The following MGRN1 variants were observed in gnomAD, a reference collection of about 807,000 sequenced individuals.
The protein encoded by MGRN1 is E3 ubiquitin-protein ligase MGRN1.
In MGRN1, 29 loss-of-function variants were observed where a neutral mutation model predicts 69.2. That is an observed-to-expected ratio of 0.42 (90% CI 0.31 to 0.57). The LOEUF is 0.57. Among genes scored for constraint, MGRN1 ranks in the 20% least tolerant of loss-of-function variants. The probability of loss-of-function intolerance (pLI) is 0.15; values close to 1 mark genes in which losing one functional copy is unlikely to be tolerated. For synonymous variants in MGRN1, 470 were observed against 344.2 expected, an observed-to-expected ratio of 1.37 and a Z score of -4.04; for missense variants, 998 against 796.2, an observed-to-expected ratio of 1.25 and a Z score of -3.05.
chr16:4,663,176 A>T (rs1047876643), intron 5 of MGRN1, among the ~76,000 whole-genome samples: 9 of 151,898 alleles, frequency 5.9e-5, no homozygotes, highest in Non-Finnish European at 1.3e-4. Flanking sequence ...TGATTCTCCT[A>T]CCTCAGCCTC....
At chr16:4,671,601 T>C in intron 9 of MGRN1, 142 bp downstream of exon 9, 1 of 725,570 alleles carries the variant, frequency 1.4e-6, no homozygotes. Flanking sequence ...TTCCTTAATT[T>C]TTTTTAAAGC....
At chr16:4,668,222 G>C in intron 7 of MGRN1, 43 bp from the exon 8 acceptor site, 1 of 1,599,720 alleles carries the variant, frequency 6.3e-7, no homozygotes, top group Non-Finnish European at 8.5e-7. Flanking sequence ...GCTCAGAGGC[G>C]CCAGCTTGAC....
intron 12 of MGRN1, chr16:4,680,441 G>A (rs868506596): frequency 1.4e-5 from 4 of 285,348 alleles, no homozygotes; most frequent in African/African-American, 2.2e-5. Flanking sequence ...CGCGCCCCGC[G>A]CATGCTTCTT....
At chr16:4,641,942 C>A (rs6500625) in intron 1 of MGRN1, among the ~76,000 whole-genome samples, 8,776 of 151,740 alleles carry the variant, frequency 0.058, 628 homozygotes, top group African/African-American at 0.18. Flanking sequence ...GGCGTGAGCC[C>A]CCTCGGCTGG....
chr16:4,664,160 G>A (rs549383503), intron 5 of MGRN1: 7 of 162,844 alleles, frequency 4.3e-5, no homozygotes, highest in South Asian at 3.1e-4. Flanking sequence ...CGTGCACAGC[G>A]TGTGGATATC....
rs2078934245 is a variant in MGRN1 at position 4,671,375 on chromosome 16, CCT to C, written c.727-11_727-10del. 1 of 1,613,902 alleles carries C rather than the reference CCT, an allele frequency of 6.2e-7. No individual in the cohort carries two copies. Among genetic ancestry groups the C allele is most frequent in the South Asian group, 1.1e-5 (1 of 91,082 alleles). ...GCAGTTGGCGAGGGCCCAGTGAGCC[CCT>C]CTCTGCTCTCCAGGTGGACCGGGTC... On this transcript the variant is annotated splice_polypyrimidine_tract_variant and intron_variant, in intron 8 of 16. Coordinates refer to ENST00000262370, the MANE Select transcript of MGRN1 (RefSeq NM_015246.4).
intron 4 of MGRN1, among the ~76,000 whole-genome samples, chr16:4,655,618 C>G (rs753402567): frequency 6.6e-5 from 10 of 152,088 alleles, no homozygotes; most frequent in African/African-American, 9.7e-5. Flanking sequence ...CCCCTCCCAG[C>G]AGGCATCACA....
At chr16:4,682,624 G>A (rs915393222) in intron 13 of MGRN1, among the ~76,000 whole-genome samples, 199 bp from the exon 14 acceptor site, 8 of 152,192 alleles carry the variant, frequency 5.3e-5, no homozygotes, top group Middle Eastern at 3.2e-3. Flanking sequence ...TCTGTCGGGC[G>A]GGTCTGTGGT....
chr16:4,680,182 C>A, intron 12 of MGRN1, 85 bp downstream of exon 12: 1 of 1,334,548 alleles, frequency 7.5e-7, no homozygotes, highest in Non-Finnish European at 1.1e-6. Flanking sequence ...CGTTTCCGCC[C>A]CAGGCTAGTG....
At chr16:4,639,207 T>C (rs2078103851) in intron 1 of MGRN1, among the ~76,000 whole-genome samples, 2 of 151,710 alleles carry the variant, frequency 1.3e-5, no homozygotes, top group Admixed American at 6.6e-5. Context: ...ATGCCTACTT[T>C]TGGGCTGGGG....
intron 11 of MGRN1, among the ~76,000 whole-genome samples, chr16:4,678,287 A>AGC (rs1555458113): frequency 6.6e-6 from 1 of 151,992 alleles, no homozygotes; most frequent in Non-Finnish European, 1.5e-5. Context: ...CAGCAACACA[A>AGC]GGGAGGTGGA....
chr16:4,682,342 C>T (rs2079204881), intron 13 of MGRN1, among the ~76,000 whole-genome samples: 1 of 152,246 alleles, frequency 6.6e-6, no homozygotes, highest in Admixed American at 6.5e-5. Context: ...ATTCGTGGTT[C>T]CCCTGGAGCC....
At chr16:4,635,666 G>A (rs1033511878) in intron 1 of MGRN1, among the ~76,000 whole-genome samples, 12 of 150,862 alleles carry the variant, frequency 8.0e-5, no homozygotes, top group East Asian at 2.0e-4. Flanking sequence ...ACAGAGTCTC[G>A]CACTGTCATC....
chr16:4,641,626 C>G (rs1439483589), intron 1 of MGRN1, among the ~76,000 whole-genome samples: 1 of 151,302 alleles, frequency 6.6e-6, no homozygotes, highest in South Asian at 2.1e-4. Flanking sequence ...TCAAGTGATT[C>G]TCCTGCCTTA....
intron 4 of MGRN1, among the ~76,000 whole-genome samples, chr16:4,654,515 G>A (rs1249139634): frequency 6.6e-6 from 1 of 152,236 alleles, no homozygotes; most frequent in Non-Finnish European, 1.5e-5. Flanking sequence ...TTAGAGACAG[G>A]CAAGAGCGTG....
chr16:4,687,876 C>T (rs537445875), intron 16 of MGRN1: 3 of 985,530 alleles, frequency 3.0e-6, no homozygotes, highest in Admixed American at 6.1e-5. Context: ...TTCTTGAGCC[C>T]AGCGAGTCCC....
intron 1 of MGRN1, among the ~76,000 whole-genome samples, chr16:4,646,107 CG>C (rs148454184): frequency 2.0e-5 from 3 of 151,812 alleles, no homozygotes; most frequent in Non-Finnish European, 4.4e-5. Flanking sequence ...GCGGCTCCGT[CG>C]GGGGGCTCTG....
At chr16:4,672,884 C>G (rs1052294168) in intron 9 of MGRN1, among the ~76,000 whole-genome samples, 4 of 152,208 alleles carry the variant, frequency 2.6e-5, no homozygotes, top group Non-Finnish European at 4.4e-5. Context: ...GTTGCCCAGG[C>G]TGGAGTGCAG....
intron 16 of MGRN1, chr16:4,688,589 C>T: frequency 1.5e-6 from 2 of 1,336,516 alleles, no homozygotes; most frequent in African/African-American, 1.5e-5. Context: ...ATCGTCTGTC[C>T]CAAGAGGGAC....
Sources: allele counts gnomAD v4.1 joint callset (sites outside exome capture counted in the v4.1 genomes callset), GRCh38; gene constraint gnomAD v4.1.1; transcripts MANE v1.5; gene names NCBI Gene and HGNC (gene_info 2026-07-23, HGNC 2026-07-21).